GABBR2: variants seen among roughly 807,000 people sequenced by gnomAD.
GABBR2 encodes the protein G-protein coupled receptor 51.
A neutral mutation model predicts 105.6 loss-of-function variants in GABBR2; 23 were observed. That is an observed-to-expected ratio of 0.22 (90% confidence interval 0.16 to 0.31). The LOEUF is 0.31. Among genes scored for constraint, GABBR2 ranks in the 10% least tolerant of loss-of-function variants. The pLI, the probability that GABBR2 is intolerant of heterozygous loss-of-function variation, is 1.00. For synonymous variants in GABBR2, 478 were observed against 499.7 expected, an observed-to-expected ratio of 0.96 and a Z score of 0.58; for missense variants, 734 against 1,245.5, an observed-to-expected ratio of 0.59 and a Z score of 6.18.
intron 12 of GABBR2, among the ~76,000 whole-genome samples, chr9:98,368,609 G>A (rs1209511463): frequency 2.0e-5 from 3 of 152,216 alleles, no homozygotes; most frequent in African/African-American, 7.2e-5. Context: ...GTGGCCAGAC[G>A]GTTGATGTGT....
intron 3 of GABBR2, among the ~76,000 whole-genome samples, chr9:98,535,251 C>T (rs965926473): frequency 1.3e-5 from 2 of 152,024 alleles, no homozygotes; most frequent in African/African-American, 4.8e-5. Context: ...GCGCCCGCTA[C>T]CATGCCCAGT....
chr9:98,508,842 G>A (rs1301382111), intron 3 of GABBR2, among the ~76,000 whole-genome samples: 2 of 152,092 alleles, frequency 1.3e-5, no homozygotes, highest in African/African-American at 4.8e-5. Flanking sequence ...ACCTCTGGGG[G>A]CAGGGCACAG....
chr9:98,395,867 G>T (rs1832279069), intron 8 of GABBR2, among the ~76,000 whole-genome samples: 1 of 152,146 alleles, frequency 6.6e-6, no homozygotes, highest in African/African-American at 2.4e-5. Context: ...GTGGGGAGCA[G>T]GTAGGAAGGG....
intron 6 of GABBR2, among the ~76,000 whole-genome samples, chr9:98,458,456 C>T (rs1826363877): frequency 6.6e-6 from 1 of 152,216 alleles, no homozygotes; most frequent in Non-Finnish European, 1.5e-5. Context: ...ATAATCTCAG[C>T]ACTTTGGGAG....
intron 7 of GABBR2, among the ~76,000 whole-genome samples, chr9:98,427,701 T>C (rs1486336677): frequency 6.9e-6 from 1 of 144,364 alleles, no homozygotes; most frequent in Non-Finnish European, 1.6e-5. Context: ...TGTTTTCTTT[T>C]GGATTACTCA....
intron 9 of GABBR2, among the ~76,000 whole-genome samples, chr9:98,393,157 C>CCCATCCATCCATCCATCCATCCAT (rs148679963): frequency 0.023 from 2,692 of 115,358 alleles, 127 homozygotes; most frequent in East Asian, 0.084. Flanking sequence ...CATCCACCAA[C>CCCATCCATCCATCCATCCATCCAT]CCATCCATCC....
chr9:98,318,247 C>T lies in GABBR2; in HGVS notation c.1894-7042G>A, dbSNP rs116395608. 4.1e-3 allele frequency among the ~76,000 whole-genome samples: 628 copies of T among 152,304 alleles called. 8 individuals carry two copies. Among genetic ancestry groups the T allele is most frequent in the African/African-American group, 0.014 (587 of 41,564 alleles). On this transcript the variant is annotated intron_variant, in intron 13 of 18. Coordinates refer to ENST00000259455, the MANE Select transcript of GABBR2 (RefSeq NM_005458.8). ...GGGCCTGGGATGCTGCATTTCTAAG[C>T]AGTTCCAGGGGAGGAGCTGATCCAG...
At chr9:98,352,527 T>C (rs1227064574) in intron 13 of GABBR2, among the ~76,000 whole-genome samples, 1 of 151,868 alleles carries the variant, frequency 6.6e-6, no homozygotes, top group Non-Finnish European at 1.5e-5. Flanking sequence ...AGATAGCACA[T>C]GTGGGTGGTG....
At chr9:98,293,532 T>C (rs550405945) in intron 18 of GABBR2, among the ~76,000 whole-genome samples, 25 of 152,332 alleles carry the variant, frequency 1.6e-4, no homozygotes, top group South Asian at 1.5e-3. Flanking sequence ...ACATGGGATT[T>C]GATGTTGGAA....
intron 7 of GABBR2, among the ~76,000 whole-genome samples, chr9:98,438,104 C>G (rs1044897763): frequency 2.0e-5 from 3 of 150,644 alleles, no homozygotes; most frequent in African/African-American, 7.3e-5. Flanking sequence ...ATCCATCCAT[C>G]CATCCACCCA....
intron 8 of GABBR2, among the ~76,000 whole-genome samples, chr9:98,401,885 G>A (rs1464167765): frequency 1.3e-5 from 2 of 152,176 alleles, no homozygotes; most frequent in Non-Finnish European, 2.9e-5. Context: ...TTCTCCAGAG[G>A]ACTTGGTAAA....
intron 5 of GABBR2, among the ~76,000 whole-genome samples, chr9:98,478,285 G>A (rs1442107998): frequency 6.6e-6 from 1 of 151,942 alleles, no homozygotes; most frequent in Non-Finnish European, 1.5e-5. Flanking sequence ...GGCTCTCTTG[G>A]GGGCCTCTGC....
intron 1 of GABBR2, among the ~76,000 whole-genome samples, chr9:98,593,666 A>G (rs1829180902): frequency 6.6e-6 from 1 of 152,134 alleles, no homozygotes. Flanking sequence ...CTTGGGAGCC[A>G]TGTCCCCGAA....
intron 4 of GABBR2, among the ~76,000 whole-genome samples, chr9:98,494,184 C>A (rs761014930): frequency 1.3e-5 from 2 of 152,154 alleles, no homozygotes; most frequent in Admixed American, 1.3e-4. Flanking sequence ...CGAGAGAGTA[C>A]ATTCTGTTGT....
intron 1 of GABBR2, among the ~76,000 whole-genome samples, chr9:98,688,672 C>G (rs925853048): frequency 2.3e-4 from 35 of 152,246 alleles, no homozygotes; most frequent in African/African-American, 7.9e-4. Flanking sequence ...TCTAAATGAA[C>G]CCAGGGTGAC....
intron 8 of GABBR2, among the ~76,000 whole-genome samples, chr9:98,403,186 C>G (rs576731191): frequency 1.1e-3 from 165 of 146,222 alleles, no homozygotes; most frequent in African/African-American, 4.1e-3. Context: ...CCCAGCTACT[C>G]GGGAGGCTGA....
intron 3 of GABBR2, among the ~76,000 whole-genome samples, chr9:98,510,127 A>C (rs1827606350): frequency 6.6e-6 from 1 of 152,250 alleles, no homozygotes; most frequent in Admixed American, 6.5e-5. Flanking sequence ...AACATTCTTA[A>C]AGAAAAGAAT....
chr9:98,483,624 A>T (rs531833928), intron 4 of GABBR2, among the ~76,000 whole-genome samples: 1 of 152,252 alleles, frequency 6.6e-6, no homozygotes, highest in African/African-American at 2.4e-5. Context: ...GCATTCATTC[A>T]TTCATTTATT....
intron 2 of GABBR2, among the ~76,000 whole-genome samples, chr9:98,551,884 G>A (rs1307746590): frequency 6.6e-6 from 1 of 152,158 alleles, no homozygotes; most frequent in Non-Finnish European, 1.5e-5. Flanking sequence ...GTGATGGATT[G>A]GACCAAAGAT....
Sources: gnomAD v4.1 joint callset for allele counts (sites outside exome capture counted in the v4.1 genomes callset) on GRCh38, gnomAD v4.1.1 for gene constraint, MANE v1.5 for transcripts, NCBI Gene and HGNC (gene_info 2026-07-23, HGNC 2026-07-21) for gene names.